The following TNIP3 variants were observed in gnomAD, a reference collection of about 807,000 sequenced individuals.
The protein encoded by TNIP3 is TNFAIP3-interacting protein 3.
Under a neutral mutation model 54.1 loss-of-function variants are expected in TNIP3, and 34 were observed. The observed-to-expected ratio is 0.63, with a 90% confidence interval of 0.48 to 0.84. The LOEUF (loss-of-function observed/expected upper bound fraction) is 0.84, where lower values mean the gene tolerates loss of function less well. Ranked by LOEUF, TNIP3 falls within the 40% of genes least tolerant of loss-of-function variation. The pLI, the probability that TNIP3 is intolerant of heterozygous loss-of-function variation, is 0.00. For synonymous variants in TNIP3, 134 were observed against 136.8 expected (o/e 0.98, Z 0.14); for missense variants, 366 against 387.6 (o/e 0.94, Z 0.47).
chr4:121,158,705 T>C lies in TNIP3; in HGVS notation c.195A>G (p.Lys65=), dbSNP rs1560654906. Residue 65 remains lysine (K), a synonymous_variant, in exon 3 of 11, where the codon AAA becomes AAG. Coordinates refer to ENST00000057513, the MANE Select transcript of TNIP3 (RefSeq NM_024873.6). The part of the protein sequence containing the change: ...QQWDQQFRSM[K]ELYERKVAEL... ...TATTTACCTTTCTTTCATATAACTC[T>C]TTCATACTTCTAAATTGCTGATCCC... is the stretch of plus-strand genomic sequence containing the variant. 3.1e-6 allele frequency: 5 copies of C among 1,612,930 alleles called. No homozygotes were observed. Among genetic ancestry groups the C allele is most frequent in the Non-Finnish European group, 4.2e-6 (5 of 1,179,548 alleles).
upstream of TNIP3, among the ~76,000 whole-genome samples, chr4:121,168,762 C>T (rs550269646): frequency 1.4e-5 from 2 of 147,340 alleles, no homozygotes; most frequent in South Asian, 2.1e-4. Flanking sequence ...TTGAATGATC[C>T]TCCCACCACA....
rs139435681 is a variant in TNIP3 at position 121,179,126 on chromosome 4, A to G, written c.189+3550T>C. Among the ~76,000 whole-genome samples, 930 of 152,342 alleles carry G rather than the reference A, an allele frequency of 6.1e-3. 14 individuals carry two copies. The highest frequency in any genetic ancestry group is 0.021 in the African/African-American group (889 of 41,570). ...AGGATTTCCAGAAAGAGTAAACAGC[A>G]TGTGAAATGATAGCACAGGAAACTT... is the stretch of plus-strand genomic sequence containing the variant. On this transcript the variant is annotated intron_variant, in intron 3 of 12. Coordinates refer to the TNIP3 transcript ENST00000507879.
chr4:121,169,513 A>G (rs1413056016), intron 3 of TNIP3, among the ~76,000 whole-genome samples: 2 of 152,052 alleles, frequency 1.3e-5, no homozygotes, highest in East Asian at 1.9e-4. Flanking sequence ...TGTAAACTCC[A>G]TGATAGCAAC....
intron 3 of TNIP3, among the ~76,000 whole-genome samples, chr4:121,174,431 TA>T (rs199679774): frequency 0.017 from 2,583 of 150,330 alleles, 35 homozygotes; most frequent in Non-Finnish European, 0.024. Context: ...ATAAACAAAA[TA>T]AAAAAAATAA....
chr4:121,177,332 T>C (rs1724417893), intron 3 of TNIP3, among the ~76,000 whole-genome samples: 1 of 152,232 alleles, frequency 6.6e-6, no homozygotes, highest in Non-Finnish European at 1.5e-5. Flanking sequence ...GGTCACTAAC[T>C]TTCTACTTCT....
At chr4:121,196,955 C>T (rs1383652948) in intron 2 of TNIP3, among the ~76,000 whole-genome samples, 1 of 151,720 alleles carries the variant, frequency 6.6e-6, no homozygotes. Flanking sequence ...CCTTCTTTTA[C>T]TCAAAGAACC....
At chr4:121,169,864 T>A (rs891463617) in intron 3 of TNIP3, among the ~76,000 whole-genome samples, 5 of 152,240 alleles carry the variant, frequency 3.3e-5, no homozygotes, top group African/African-American at 1.2e-4. Flanking sequence ...AATGCTTCTA[T>A]GCGATATAGC....
At chr4:121,200,795 T>C (rs918381280) in intron 2 of TNIP3, among the ~76,000 whole-genome samples, 1 of 152,200 alleles carries the variant, frequency 6.6e-6, no homozygotes, top group African/African-American at 2.4e-5. Flanking sequence ...ATCCAGCAGA[T>C]TTCTGGAACC....
chr4:121,173,363 A>T lies in TNIP3; in HGVS notation c.190-9217T>A, dbSNP rs537754381. On this transcript the variant is annotated intron_variant, in intron 3 of 12. Coordinates refer to the TNIP3 transcript ENST00000507879. ...ATGGCATGCCTAGAGATTAATTTGC[A>T]TTTCCAAAATAGAAATTAGTGGTCA... Among the ~76,000 whole-genome samples, 437 of 152,326 alleles carry T rather than the reference A, an allele frequency of 2.9e-3. 1 individual carries two copies. Among genetic ancestry groups the T allele is most frequent in the Non-Finnish European group, 3.5e-3 (238 of 68,024 alleles).
Position 121,174,684 on chromosome 4 carries a change from A to G in TNIP3, c.189+7992T>C, listed in dbSNP as rs1210038922. Reference sequence around the variant, plus strand: ...CTATCTTCCTCACTGGAAAAAAAAAAGGAATAATTGATCTTTTTTTTGCTA... The same window carrying G: ...CTATCTTCCTCACTGGAAAAAAAAAGGGAATAATTGATCTTTTTTTTGCTA... On this transcript the variant is annotated intron_variant, in intron 3 of 12. Coordinates refer to the TNIP3 transcript ENST00000507879. Among the ~76,000 whole-genome samples the G allele has an allele frequency of 2.6e-5, 4 of 152,218 alleles. No individual in the cohort carries two copies. The East Asian group carries it at 7.7e-4, about 29-fold the overall frequency.
At chr4:121,181,511 C>T (rs961156515) in intron 3 of TNIP3, among the ~76,000 whole-genome samples, 2 of 151,908 alleles carry the variant, frequency 1.3e-5, no homozygotes, top group Non-Finnish European at 2.9e-5. Context: ...TTTTTAGACA[C>T]GAAAAAGTGA....
intron 3 of TNIP3, among the ~76,000 whole-genome samples, chr4:121,175,528 A>G (rs1724261603): frequency 6.6e-6 from 1 of 152,180 alleles, no homozygotes; most frequent in Non-Finnish European, 1.5e-5. Flanking sequence ...TGCTGTGTTC[A>G]CTAAGGCAGA....
chr4:121,196,219 A>G (rs1725573101), intron 2 of TNIP3, among the ~76,000 whole-genome samples: 1 of 152,230 alleles, frequency 6.6e-6, no homozygotes, highest in Admixed American at 6.5e-5. Flanking sequence ...TAAATTGACA[A>G]GGTCTACAAT....
intron 8 of TNIP3, 97 bp downstream of exon 8, chr4:121,142,629 G>T: frequency 1.8e-6 from 2 of 1,111,926 alleles, no homozygotes; most frequent in Non-Finnish European, 2.7e-6. Context: ...GGTTGTTGTA[G>T]GTCACCTGTA....
intron 2 of TNIP3, among the ~76,000 whole-genome samples, chr4:121,187,896 T>G (rs1321476007): frequency 6.6e-6 from 1 of 152,210 alleles, no homozygotes; most frequent in African/African-American, 2.4e-5. Flanking sequence ...CACATGTGAC[T>G]ACTTTTTTTG....
intron 1 of TNIP3, among the ~76,000 whole-genome samples, chr4:121,225,304 AT>A (rs1470320683): frequency 1.3e-5 from 2 of 152,162 alleles, no homozygotes; most frequent in East Asian, 1.9e-4. Flanking sequence ...CCGCTAGAAT[AT>A]TTTCCCCCCA....
intron 3 of TNIP3, among the ~76,000 whole-genome samples, chr4:121,177,359 A>G (rs1272197979): frequency 6.6e-6 from 1 of 152,234 alleles, no homozygotes; most frequent in Non-Finnish European, 1.5e-5. Flanking sequence ...CTCCCAGAAT[A>G]TAAAAGCACA....
rs1409477405 is a variant in TNIP3, at chr4:121,176,401, A to T, written c.189+6275T>A. ...CTAGCAGAAAAAAATAGATCAAAAC[A>T]TTCCACAGCTACAACCTTTGAAATT... is the stretch of plus-strand genomic sequence containing the variant. On this transcript the variant is annotated intron_variant, in intron 3 of 12. Coordinates refer to the TNIP3 transcript ENST00000507879. Among the ~76,000 whole-genome samples, 5 of 152,102 alleles carry T rather than the reference A, an allele frequency of 3.3e-5. No homozygotes were observed. In the East Asian group the frequency reaches 7.7e-4, roughly 23 times the overall value.
intron 1 of TNIP3, among the ~76,000 whole-genome samples, chr4:121,226,368 A>C (rs552187182): frequency 6.6e-6 from 1 of 152,390 alleles, no homozygotes; most frequent in Non-Finnish European, 1.5e-5. Flanking sequence ...GATATAAAAA[A>C]TACACTAAAA....
Sources: gnomAD v4.1 joint callset for allele counts (sites outside exome capture counted in the v4.1 genomes callset) on GRCh38, gnomAD v4.1.1 for gene constraint, MANE v1.5 for transcripts, NCBI Gene and HGNC (gene_info 2026-07-23, HGNC 2026-07-21) for gene names.